The following ANO10 variants were observed in gnomAD, a reference collection of about 807,000 sequenced individuals.
The protein encoded by ANO10 is anoctamin-10.
ANO10 carries 77 observed loss-of-function variants against 74.7 expected under a neutral mutation model. The observed-to-expected ratio is 1.03, with a 90% CI of 0.86 to 1.25. The LOEUF (loss-of-function observed/expected upper bound fraction) is 1.25, where lower values mean the gene tolerates loss of function less well. Among genes scored for constraint, ANO10 ranks in the 50% most tolerant of loss-of-function variants. The pLI, the probability that ANO10 is intolerant of heterozygous loss-of-function variation, is 0.00. For synonymous variants in ANO10, 279 were observed against 284.9 expected (o/e 0.98, Z 0.21); for missense variants, 721 against 778.1 (o/e 0.93, Z 0.87).
intron 12 of ANO10, among the ~76,000 whole-genome samples, chr3:43,407,183 C>T (rs1048777303): frequency 6.6e-6 from 1 of 152,130 alleles, no homozygotes; most frequent in African/African-American, 2.4e-5. Context: ...GGATTACATG[C>T]GTGAGCCACC....
Position 43,516,469 on chromosome 3 carries a change from AGAG to A in ANO10, c.1797+33248_1797+33250del, listed in dbSNP as rs1323867077. 1.3e-3 allele frequency among the ~76,000 whole-genome samples: 196 copies of A among 152,352 alleles called. 1 individual carries two copies. The highest frequency in any genetic ancestry group is 4.5e-3 in the African/African-American group (189 of 41,578). On this transcript the variant is annotated intron_variant, in intron 11 of 12. Transcript: ENST00000292246. ...GGAGACTAGGGACGAAAGACAGATA[AGAG>A]GAGATTACAGAGGACCTTGAATCCC...
intron 5 of ANO10, among the ~76,000 whole-genome samples, chr3:43,578,010 T>C (rs1372363801): frequency 2.0e-5 from 3 of 152,152 alleles, no homozygotes; most frequent in African/African-American, 7.2e-5. Context: ...TAAGAGCATC[T>C]TGTACCAGGA....
chr3:43,581,526 T>C (rs1472899697), intron 4 of ANO10, among the ~76,000 whole-genome samples: 1 of 152,216 alleles, frequency 6.6e-6, no homozygotes, highest in Non-Finnish European at 1.5e-5. Flanking sequence ...TCTGTAGATA[T>C]GGAGAACTCA....
intron 1 of ANO10, among the ~76,000 whole-genome samples, chr3:43,658,430 T>A (rs1475203741): frequency 6.6e-6 from 1 of 152,024 alleles, no homozygotes; most frequent in African/African-American, 2.4e-5. Flanking sequence ...GAATATGGTG[T>A]GAAAGAAGCC....
At chr3:43,645,650 C>A (rs2083718887) in intron 1 of ANO10, among the ~76,000 whole-genome samples, 1 of 152,126 alleles carries the variant, frequency 6.6e-6, no homozygotes, top group South Asian at 2.1e-4. Context: ...CATGTGCAGG[C>A]TGTGCTATGT....
intron 1 of ANO10, among the ~76,000 whole-genome samples, chr3:43,661,694 C>A (rs943787036): frequency 7.2e-5 from 11 of 151,920 alleles, no homozygotes; most frequent in African/African-American, 2.4e-4. Context: ...AGGCTCAAAA[C>A]AAAGGGATGG....
chr3:43,562,232 C>T (rs1386764508), intron 8 of ANO10, among the ~76,000 whole-genome samples: 1 of 151,828 alleles, frequency 6.6e-6, no homozygotes, highest in Admixed American at 6.6e-5. Context: ...GCGGGCAGAT[C>T]ACGAGGTCAG....
At chr3:43,592,667 A>C (rs994616023) in intron 4 of ANO10, among the ~76,000 whole-genome samples, 3 of 152,238 alleles carry the variant, frequency 2.0e-5, no homozygotes, top group Admixed American at 6.5e-5. Context: ...AGAAAAGCTG[A>C]AAATTCTAAA....
intron 1 of ANO10, among the ~76,000 whole-genome samples, chr3:43,681,686 A>T (rs2084203397): frequency 1.3e-5 from 2 of 152,050 alleles, no homozygotes; most frequent in African/African-American, 2.4e-5. Flanking sequence ...GAAGTAAAGC[A>T]CTCCTCAGCA....
At chr3:43,607,375 G>A (rs920625731) in intron 1 of ANO10, among the ~76,000 whole-genome samples, 1 of 151,488 alleles carries the variant, frequency 6.6e-6, no homozygotes, top group African/African-American at 2.4e-5. Context: ...AAAAAACCAA[G>A]GCAATGGGAA....
chr3:43,580,126 T>C lies in ANO10; in HGVS notation c.592+227A>G, dbSNP rs1430927600. ...TCCCACTGCACTCCAGCCTGTGACA[T>C]AGTGAGACCCTATCTCAAAAAAAAA... is the stretch of plus-strand genomic sequence containing the variant. On this transcript the variant is annotated intron_variant, in intron 5 of 12. Coordinates refer to ENST00000292246, the MANE Select transcript of ANO10 (RefSeq NM_018075.5). 1.5e-4 allele frequency among the ~76,000 whole-genome samples: 21 copies of C among 136,802 alleles called. 1 individual carries two copies. Among genetic ancestry groups the C allele is most frequent in the South Asian group, 2.3e-4 (1 of 4,386 alleles). 89.7% of individuals were successfully genotyped at this position (136,802 alleles called of 152,430 possible).
chr3:43,565,301 T>G (rs1178695917), intron 8 of ANO10, among the ~76,000 whole-genome samples: 2 of 152,328 alleles, frequency 1.3e-5, no homozygotes, highest in East Asian at 3.9e-4. Flanking sequence ...AAATTAAATT[T>G]GCGAGACCTA....
At chr3:43,682,586 C>T (rs1476938869) in intron 1 of ANO10, among the ~76,000 whole-genome samples, 1 of 152,102 alleles carries the variant, frequency 6.6e-6, no homozygotes, top group Non-Finnish European at 1.5e-5. Context: ...TTTATGAGGC[C>T]AGCATCATCC....
chr3:43,499,458 C>T (rs914835546), intron 11 of ANO10, among the ~76,000 whole-genome samples: 13 of 152,012 alleles, frequency 8.6e-5, no homozygotes, highest in Admixed American at 4.6e-4. Flanking sequence ...AGGAAGTAGG[C>T]TGACAGGAGG....
intron 11 of ANO10, among the ~76,000 whole-genome samples, chr3:43,513,845 G>A (rs1185040776): frequency 6.6e-6 from 1 of 151,614 alleles, no homozygotes; most frequent in Non-Finnish European, 1.5e-5. Flanking sequence ...GGAAGAAAAG[G>A]GAAGAAATGA....
chr3:43,574,274 CTTTT>C (rs561626586), intron 7 of ANO10, among the ~76,000 whole-genome samples: 2 of 111,352 alleles, frequency 1.8e-5, no homozygotes, highest in Non-Finnish European at 1.9e-5. Flanking sequence ...TCCTTTCTTT[CTTTT>C]TTTTTTTTTT....
At chr3:43,446,695 A>G (rs893401438) in intron 11 of ANO10, among the ~76,000 whole-genome samples, 1 of 152,216 alleles carries the variant, frequency 6.6e-6, no homozygotes, top group Non-Finnish European at 1.5e-5. Context: ...ATCAATTTTA[A>G]CAACTCAGAA....
Position 43,565,731 on chromosome 3 carries a change from CCA to C in ANO10, c.1219-6_1219-5del. ...CAAAGCAATTGAGGAAGTTGAACTG[CCA>C]AAAAAAAAAAAAAAAAAGATAAGTG... On this transcript the variant is annotated splice_region_variant and splice_polypyrimidine_tract_variant and intron_variant, in intron 7 of 12. Coordinates refer to ENST00000292246, the MANE Select transcript of ANO10 (RefSeq NM_018075.5). 9 of 1,468,304 alleles carry C rather than the reference CCA, an allele frequency of 6.1e-6. No homozygotes were observed. The Admixed American group carries it at 1.2e-4, about 19-fold the overall frequency. 91.0% of individuals were successfully genotyped at this position (1,468,304 alleles called of 1,614,324 possible). A position where few individuals can be genotyped will look rare whatever the true frequency, so the allele number is the denominator to read the frequency against.
chr3:43,407,299 G>A (rs980693312), intron 12 of ANO10, among the ~76,000 whole-genome samples: 1 of 152,172 alleles, frequency 6.6e-6, no homozygotes, highest in African/African-American at 2.4e-5. Flanking sequence ...AAGCTTGCAT[G>A]GCTTTTCTGT....
Sources: allele counts gnomAD v4.1 joint callset (sites outside exome capture counted in the v4.1 genomes callset), GRCh38; gene constraint gnomAD v4.1.1; transcripts MANE v1.5; gene names NCBI Gene and HGNC (gene_info 2026-07-23, HGNC 2026-07-21).